Variants in CAMK4 observed in about 807,000 individuals in gnomAD.
CAMK4 encodes calcium/calmodulin-dependent protein kinase type IV.
Under a neutral mutation model 44.9 loss-of-function variants are expected in CAMK4, and 22 were observed. The ratio of observed to expected loss-of-function variants is 0.49; its 90% CI spans 0.35 to 0.70. CAMK4 has a LOEUF of 0.70. Ranked by LOEUF, CAMK4 falls within the 30% of genes least tolerant of loss-of-function variation. The pLI is 0.01. For synonymous variants in CAMK4, 218 were observed against 215.4 expected, an observed-to-expected ratio of 1.01 and a Z score of -0.11; for missense variants, 498 against 586.8, an observed-to-expected ratio of 0.85 and a Z score of 1.56.
chr5:111,344,201 G>A (rs2112753564), intron 2 of CAMK4, 99 bp downstream of exon 2: 1 of 690,982 alleles, frequency 1.4e-6, no homozygotes, highest in Admixed American at 2.5e-5. Flanking sequence ...GAGCTGCTGT[G>A]TGCAAATAAC....
chr5:111,280,438 T>G (rs1750962677), intron 1 of CAMK4, among the ~76,000 whole-genome samples: 1 of 152,220 alleles, frequency 6.6e-6, no homozygotes, highest in Admixed American at 6.5e-5. Context: ...TAGTGATTAA[T>G]TAGGTTTTAA....
intron 7 of CAMK4, among the ~76,000 whole-genome samples, chr5:111,454,591 A>G (rs927754921): frequency 1.3e-5 from 2 of 149,296 alleles, no homozygotes; most frequent in Admixed American, 1.4e-4. Flanking sequence ...TGAAGAGTTC[A>G]GTGTTGAAGG....
intron 5 of CAMK4, among the ~76,000 whole-genome samples, chr5:111,396,319 G>T (rs935775004): frequency 6.6e-6 from 1 of 152,070 alleles, no homozygotes; most frequent in Non-Finnish European, 1.5e-5. Context: ...AACCTGGAGA[G>T]GATGCCAACA....
At chr5:111,252,153 A>G (rs1434746387) in intron 1 of CAMK4, among the ~76,000 whole-genome samples, 3 of 152,182 alleles carry the variant, frequency 2.0e-5, no homozygotes, top group Non-Finnish European at 4.4e-5. Context: ...AATTACCCCT[A>G]AGTCTGTCGT....
chr5:111,406,960 C>T (rs146379104), intron 5 of CAMK4, among the ~76,000 whole-genome samples: 1 of 152,254 alleles, frequency 6.6e-6, no homozygotes, highest in African/African-American at 2.4e-5. Flanking sequence ...TGTTAGGTTT[C>T]AGTTGATTTA....
chr5:111,231,962 A>G (rs1748495851), intron 1 of CAMK4, among the ~76,000 whole-genome samples: 1 of 152,210 alleles, frequency 6.6e-6, no homozygotes, highest in Admixed American at 6.5e-5. Flanking sequence ...GAGTAGCACA[A>G]ATTGAAGTTT....
At chr5:111,288,125 C>G (rs2112618989) in intron 1 of CAMK4, among the ~76,000 whole-genome samples, 1 of 152,234 alleles carries the variant, frequency 6.6e-6, no homozygotes, top group Middle Eastern at 3.4e-3. Flanking sequence ...AAGATTTATT[C>G]ATGTTTTGAG....
chr5:111,437,542 G>T (rs1312586807), intron 5 of CAMK4, among the ~76,000 whole-genome samples: 1 of 152,164 alleles, frequency 6.6e-6, no homozygotes, highest in Non-Finnish European at 1.5e-5. Context: ...CATACATGCT[G>T]TAAAGAAAAA....
rs1322483699 is a variant in CAMK4, at chr5:111,443,275, TATATAC to T, written c.460-3409_460-3404del. On this transcript the variant is annotated intron_variant, in intron 5 of 10. Transcript: ENST00000282356. ...ATATATATATATATATATATATATA[TATATAC>T]ACACACACACACACACACACACACA... Among the ~76,000 whole-genome samples the T allele has an allele frequency of 9.3e-3, 437 of 47,070 alleles. 1 individual carries two copies. Among genetic ancestry groups the T allele is most frequent in the South Asian group, 0.02 (23 of 1,134 alleles). 30.9% of individuals were successfully genotyped at this position (47,070 alleles called of 152,430 possible).
intron 1 of CAMK4, among the ~76,000 whole-genome samples, chr5:111,240,441 G>A (rs1242215896): frequency 6.6e-6 from 1 of 152,148 alleles, no homozygotes; most frequent in African/African-American, 2.4e-5. Context: ...CCTAAAAAAT[G>A]TATTTCTCTA....
chr5:111,472,112 C>G (rs1362930637), intron 7 of CAMK4, among the ~76,000 whole-genome samples: 1 of 152,090 alleles, frequency 6.6e-6, no homozygotes, highest in Non-Finnish European at 1.5e-5. Flanking sequence ...CCAGGCTGGA[C>G]TCAAACTCCT....
intron 2 of CAMK4, among the ~76,000 whole-genome samples, chr5:111,369,735 C>T (rs573289379): frequency 7.9e-5 from 12 of 152,246 alleles, no homozygotes; most frequent in Middle Eastern, 3.4e-3. Context: ...GTCCCTTATA[C>T]TATAAAATGG....
chr5:111,224,686 T>TG lies in CAMK4; in HGVS notation c.161+47dup, dbSNP rs1234265490. 12 of 1,577,168 alleles carry TG rather than the reference T, an allele frequency of 7.6e-6. No homozygotes were observed. The highest frequency in any genetic ancestry group is 2.8e-5 in the African/African-American group (2 of 72,308). ...GGCTGGGGAAGCCCGCGGCGTGCAC[T>TG]GGGGGTTGTCCCTCTCGCAGCGACG... is the stretch of plus-strand genomic sequence containing the variant. On this transcript the variant is annotated intron_variant, in intron 1 of 10. Coordinates refer to ENST00000282356, the MANE Select transcript of CAMK4 (RefSeq NM_001744.6). The surrounding 1 kb of genome is among the most constrained non-coding windows in gnomAD (Gnocchi z 5.7).
At chr5:111,337,981 T>C (rs1238236634) in intron 1 of CAMK4, among the ~76,000 whole-genome samples, 1 of 151,224 alleles carries the variant, frequency 6.6e-6, no homozygotes, top group Non-Finnish European at 1.5e-5. Flanking sequence ...GCTTTCACAA[T>C]GTGTAGTTGC....
At chr5:111,442,822 TA>T (rs1753875687) in intron 5 of CAMK4, among the ~76,000 whole-genome samples, 1 of 149,194 alleles carries the variant, frequency 6.7e-6, no homozygotes, top group African/African-American at 2.4e-5. Flanking sequence ...TTTTCAGTTA[TA>T]TTTTTAAATA....
chr5:111,244,875 A>AAAAT lies in CAMK4; in HGVS notation c.161+20246_161+20249dup, dbSNP rs1013354365. Among the ~76,000 whole-genome samples, 12 of 152,226 alleles carry AAAAT rather than the reference A, an allele frequency of 7.9e-5. No individual in the cohort carries two copies. The South Asian group carries it at 2.5e-3, about 32-fold the overall frequency. On this transcript the variant is annotated intron_variant, in intron 1 of 10. Transcript: ENST00000282356. The stretch of plus-strand genomic sequence containing the variant: ...GATTCTGTCTCAAAAAATTAAAAAT[A>AAAAT]AAATAAATAAATAAATAATATAACA...
chr5:111,362,040 C>T (rs1750612704), intron 2 of CAMK4, among the ~76,000 whole-genome samples: 1 of 152,030 alleles, frequency 6.6e-6, no homozygotes, highest in Non-Finnish European at 1.5e-5. Context: ...TAGAAATGCT[C>T]ACTTTGATTT....
At chr5:111,409,418 T>C (rs924393093) in intron 5 of CAMK4, among the ~76,000 whole-genome samples, 3 of 152,176 alleles carry the variant, frequency 2.0e-5, no homozygotes, top group Non-Finnish European at 2.9e-5. Flanking sequence ...AGGCACCATA[T>C]ACCCCAGACT....
intron 1 of CAMK4, among the ~76,000 whole-genome samples, chr5:111,281,670 G>C (rs1751022868): frequency 6.6e-6 from 1 of 152,170 alleles, no homozygotes; most frequent in Admixed American, 6.5e-5. Context: ...AAGTTCATGA[G>C]AGTTTGAAGC....
Sources: gnomAD v4.1 joint callset for allele counts (sites outside exome capture counted in the v4.1 genomes callset) on GRCh38, gnomAD v4.1.1 for gene constraint, Gnocchi (gnomAD v3.1) non-coding constraint, MANE v1.5 for transcripts, NCBI Gene and HGNC (gene_info 2026-07-23, HGNC 2026-07-21) for gene names.